MAP9: variants seen among roughly 807,000 people sequenced by gnomAD.
MAP9 encodes the protein microtubule-associated protein 9.
In MAP9, 80 loss-of-function variants were observed where a neutral mutation model predicts 75.2. The observed-to-expected ratio is 1.06, with a 90% CI of 0.89 to 1.28. The LOEUF (loss-of-function observed/expected upper bound fraction) is 1.28. MAP9 is among the 50% of genes most tolerant of loss of function. The pLI is 0.00. For synonymous variants in MAP9, 235 were observed against 237.3 expected (o/e 0.99, Z 0.09); for missense variants, 753 against 719.9 (o/e 1.05, Z -0.53).
chr4:155,349,422 T>C (rs993055593), intron 13 of MAP9: 1 of 122,860 alleles, frequency 8.1e-6, no homozygotes, highest in Admixed American at 8.3e-5. Context: ...TGCAGGTTGA[T>C]GGCTTGGGAG....
At chr4:155,366,737 G>C (rs1732349290) in intron 5 of MAP9, among the ~76,000 whole-genome samples, 2 of 152,132 alleles carry the variant, frequency 1.3e-5, no homozygotes, top group African/African-American at 2.4e-5. Context: ...CTTCTTGATA[G>C]ACACAATTAC....
In MAP9 at chr4:155,355,057, A is replaced by G. The variant is rs777140735; in HGVS notation, c.1380+14T>C. 1.1e-4 allele frequency: 132 copies of G among 1,188,216 alleles called. No homozygotes were observed. The highest frequency in any genetic ancestry group is 1.4e-4 in the Non-Finnish European group (118 of 845,514). The allele number at this position is 1,188,216 out of a possible 1,614,324, so 73.6% of individuals were successfully genotyped here. On this transcript the variant is annotated intron_variant, in intron 10 of 13. Coordinates refer to ENST00000311277, the MANE Select transcript of MAP9 (RefSeq NM_001039580.2). The stretch of plus-strand genomic sequence containing the variant: ...AAAAATCCAAAACATTTTTACTTCT[A>G]TATGTCAGAATACCTGTTCATTTTG...
At chr4:155,369,085 G>A (rs991172844) in intron 4 of MAP9, among the ~76,000 whole-genome samples, 1 of 152,156 alleles carries the variant, frequency 6.6e-6, no homozygotes, top group Non-Finnish European at 1.5e-5. Flanking sequence ...CACGTTGGGA[G>A]GCCGAGGTGG....
intron 4 of MAP9, among the ~76,000 whole-genome samples, chr4:155,371,876 C>G (rs1165056127): frequency 6.6e-6 from 1 of 152,116 alleles, no homozygotes; most frequent in Non-Finnish European, 1.5e-5. Context: ...TTCCTCTTCT[C>G]TCCAGCATTG....
At position 155,347,516 on chromosome 4, in the gene MAP9, A is replaced by G. The variant is rs1731326675; in HGVS notation, c.*267T>C. On this transcript the variant is annotated 3_prime_UTR_variant, in exon 14 of 14. Coordinates refer to ENST00000311277, the MANE Select transcript of MAP9 (RefSeq NM_001039580.2). ...GAAAAAGATCATGAATCACTCCACC[A>G]TAAGAATTATCAGGACATGATAAAA... is the stretch of plus-strand genomic sequence containing the variant. The G allele has an allele frequency of 3.4e-6, 1 of 295,478 alleles. No homozygotes were observed. The highest frequency in any genetic ancestry group is 5.0e-5 in the Admixed American group (1 of 19,970). The allele number at this position is 295,478 out of a possible 1,614,324, so 18.3% of individuals were successfully genotyped here.
chr4:155,349,526 C>G (rs1731417386), intron 13 of MAP9: 1 of 152,140 alleles, frequency 6.6e-6, no homozygotes, highest in Admixed American at 6.6e-5. Context: ...ACAGGACAAG[C>G]TTTCCATTCA....
rs143524010 is a variant in MAP9 at position 155,368,840 on chromosome 4, G to A, written c.482-28C>T. 1,031 of 1,559,562 alleles carry A rather than the reference G, an allele frequency of 6.6e-4. 5 individuals carry two copies. In the African/African-American group the frequency reaches 0.011, roughly 17 times the overall value. On this transcript the variant is annotated intron_variant, in intron 4 of 13. Transcript: ENST00000311277. ...GAAAAATAAAATGCTTAAAGTGTGT[G>A]TATAAAAAAATGACCATGGCTTTAT...
intron 7 of MAP9, 139 bp downstream of exon 7, chr4:155,360,029 T>A: frequency 1.3e-6 from 1 of 759,772 alleles, no homozygotes; most frequent in East Asian, 2.7e-5. Flanking sequence ...GTAAGAACCA[T>A]GTGACAATAC....
At chr4:155,372,919 G>T (rs1732664874) in intron 4 of MAP9, 5 of 370,056 alleles carry the variant, frequency 1.4e-5, no homozygotes, top group Non-Finnish European at 1.9e-5. Flanking sequence ...CAGCCTAGAT[G>T]CAAGACAAAA....
At position 155,346,701 on chromosome 4, in the gene MAP9, A is replaced by T. The variant is rs11099999; in HGVS notation, c.*1082T>A. On this transcript the variant is annotated 3_prime_UTR_variant, in exon 14 of 14. Coordinates refer to ENST00000311277, the MANE Select transcript of MAP9 (RefSeq NM_001039580.2). ...AGATTATATATTAGATGCTCAATAA[A>T]TAGGAACTATATATTCTCATCCATC... The T allele has an allele frequency of 0.61, 93,095 of 152,438 alleles. 29,177 individuals are homozygous for T. The highest frequency in any genetic ancestry group is 0.79 in the East Asian group (4,092 of 5,160). The allele number at this position is 152,438 out of a possible 1,614,324, so 9.4% of individuals were successfully genotyped here. A position where few individuals can be genotyped will look rare whatever the true frequency, so the allele number is the denominator to read the frequency against.
At chr4:155,371,212 T>C (rs1006237201) in intron 4 of MAP9, among the ~76,000 whole-genome samples, 2 of 152,058 alleles carry the variant, frequency 1.3e-5, no homozygotes, top group African/African-American at 4.8e-5. Flanking sequence ...CAAGCTCTAA[T>C]AGTTTCATAA....
intron 5 of MAP9, among the ~76,000 whole-genome samples, chr4:155,366,954 A>G (rs1732359397): frequency 6.6e-6 from 1 of 152,200 alleles, no homozygotes; most frequent in Admixed American, 6.5e-5. Context: ...TGATGGTAAC[A>G]TTATAAGAAA....
At chr4:155,355,297 A>C in intron 9 of MAP9, 137 bp from the exon 10 acceptor site, 2 of 363,750 alleles carry the variant, frequency 5.5e-6, no homozygotes, top group South Asian at 1.1e-4. Flanking sequence ...AAGACAAAAA[A>C]AGACTTTTAG....
chr4:155,366,915 C>T (rs1276519653), intron 5 of MAP9, among the ~76,000 whole-genome samples: 1 of 152,072 alleles, frequency 6.6e-6, no homozygotes, highest in Non-Finnish European at 1.5e-5. Context: ...GAAGAAAAGA[C>T]ACTCCCCAAC....
Position 155,342,979 on chromosome 4 carries a change from C to G in MAP9, c.*4804G>C, listed in dbSNP as rs1358069085. The G allele has an allele frequency of 6.6e-6, 1 of 151,566 alleles. No individual in the cohort carries two copies. Among genetic ancestry groups the G allele is most frequent in the Non-Finnish European group, 1.5e-5 (1 of 67,852 alleles). The allele number at this position is 151,566 out of a possible 1,614,324, so 9.4% of individuals were successfully genotyped here. On this transcript the variant is annotated 3_prime_UTR_variant, in exon 14 of 14. Coordinates refer to ENST00000311277, the MANE Select transcript of MAP9 (RefSeq NM_001039580.2). ...TCATATTATTTATCATATAATTTAC[C>G]ATTTGTAAAGCAACAAATTGCCCAT...
chr4:155,359,898 A>G (rs921124660), intron 7 of MAP9, among the ~76,000 whole-genome samples: 3 of 152,092 alleles, frequency 2.0e-5, no homozygotes, highest in Non-Finnish European at 2.9e-5. Flanking sequence ...ATACACTATG[A>G]GTATGCATTT....
At chr4:155,369,179 C>T (rs558663719) in intron 4 of MAP9, among the ~76,000 whole-genome samples, 13 of 151,826 alleles carry the variant, frequency 8.6e-5, no homozygotes, top group Admixed American at 4.6e-4. Context: ...AAAAATTAGC[C>T]GGGCTTAGTA....
chr4:155,356,065 T>C (rs1475145147), intron 8 of MAP9, among the ~76,000 whole-genome samples, 181 bp from the exon 9 acceptor site: 2 of 152,042 alleles, frequency 1.3e-5, no homozygotes, highest in African/African-American at 2.4e-5. Context: ...TGTTGGGCTG[T>C]TGACCAGCCT....
At chr4:155,374,731 C>A (rs1374390617) in intron 3 of MAP9, among the ~76,000 whole-genome samples, 1 of 152,030 alleles carries the variant, frequency 6.6e-6, no homozygotes, top group African/African-American at 2.4e-5. Flanking sequence ...AACAAAACAA[C>A]AATAAAAAAA....
Sources: allele counts gnomAD v4.1 joint callset (sites outside exome capture counted in the v4.1 genomes callset), GRCh38; gene constraint gnomAD v4.1.1; transcripts MANE v1.5; gene names NCBI Gene and HGNC (gene_info 2026-07-23, HGNC 2026-07-21).